The following NCL variants were observed in gnomAD, a reference collection of about 807,000 sequenced individuals.
NCL encodes the protein nucleolin multifunctional protein.
A neutral mutation model predicts 77.7 loss-of-function variants in NCL; 4 were observed. That is an observed-to-expected ratio of 0.05 (90% confidence interval 0.03 to 0.12). NCL has a LOEUF of 0.12. NCL is among the 10% of genes least tolerant of loss of function. The pLI is 1.00. For synonymous variants in NCL, 344 were observed against 297.8 expected, an observed-to-expected ratio of 1.16 and a Z score of -1.60; for missense variants, 763 against 860.9, an observed-to-expected ratio of 0.89 and a Z score of 1.42.
intron 11 of NCL, 83 bp from the exon 12 acceptor site, chr2:231,456,219 G>A: frequency 6.5e-7 from 1 of 1,537,646 alleles, no homozygotes; most frequent in South Asian, 1.2e-5. Flanking sequence ...ATGACTACTA[G>A]CCAAGAATAC....
intron 13 of NCL, 50 bp downstream of exon 13, chr2:231,455,351 G>A (rs749325313): frequency 6.2e-7 from 1 of 1,613,330 alleles, no homozygotes; most frequent in South Asian, 1.1e-5. Flanking sequence ...ACAGGGCACA[G>A]GGTCTGAAGA....
At chr2:231,459,169 C>T in intron 6 of NCL, 44 bp from the exon 7 acceptor site, 1 of 1,501,116 alleles carries the variant, frequency 6.7e-7, no homozygotes, top group South Asian at 1.4e-5. Context: ...GGTGAAAACA[C>T]AAATCAAAAT....
chr2:231,464,319 C>G lies in NCL; in HGVS notation c.18+17G>C, dbSNP rs1244540585. Reference sequence around the variant, plus strand: ...AAGCAGGCCTACACGTCTGCGCTCGCGCTCAAGGCCGTTTACCTTCGCGAG... The same window carrying G: ...AAGCAGGCCTACACGTCTGCGCTCGGGCTCAAGGCCGTTTACCTTCGCGAG... On this transcript the variant is annotated intron_variant, in intron 1 of 13. Transcript: ENST00000322723. 1 of 1,587,910 alleles carries G rather than the reference C, an allele frequency of 6.3e-7. No individual in the cohort carries two copies. The highest frequency in any genetic ancestry group is 1.1e-5 in the South Asian group (1 of 87,500).
At position 231,455,891 on chromosome 2, in the gene NCL, T is replaced by A. The variant is rs770626102; in HGVS notation, c.1832+119A>T. 4.6e-5 allele frequency: 68 copies of A among 1,492,492 alleles called. 1 individual carries two copies. The East Asian group carries it at 1.5e-3, about 34-fold the overall frequency. The allele number at this position is 1,492,492 out of a possible 1,614,324, so 92.5% of individuals were successfully genotyped here. ...GAATTCTCTCTTCTTCTCGTGCGAA[T>A]CCATAAACTGCCACTGATAGACAGA... On this transcript the variant is annotated intron_variant, in intron 12 of 13. Coordinates refer to ENST00000322723, the MANE Select transcript of NCL (RefSeq NM_005381.3).
Position 231,460,847 on chromosome 2 carries a change from C to T in NCL, c.633G>A (p.Met211Ile). 1 of 1,614,054 alleles carries T rather than the reference C, an allele frequency of 6.2e-7. No individual in the cohort carries two copies. The highest frequency in any genetic ancestry group is 8.5e-7 in the Non-Finnish European group (1 of 1,180,000). ...TCTTTCCTTTGGCTGGTGTAGTCTC[C>T]ATAGCTTCTTCTTCAGAGTCTGAAA... ...DEEDDSEEEA[M>I]ETTPAKGKKA... Residue 211 changes from methionine (M) to isoleucine (I), a missense_variant, in exon 4 of 14, where the codon ATG becomes ATA. Coordinates refer to ENST00000322723, the MANE Select transcript of NCL (RefSeq NM_005381.3).
rs566862419 is a variant in NCL, at chr2:231,455,728, T to G, written c.1833-104A>C. The G allele has an allele frequency of 2.9e-6, 4 of 1,381,486 alleles. No homozygotes were observed. The Admixed American group carries it at 6.8e-5, about 23-fold the overall frequency. 85.6% of individuals were successfully genotyped at this position (1,381,486 alleles called of 1,614,324 possible). ...CCATCCCACAGAAAGTAGCCTTGTT[T>G]ATTTGGGAAAAGATACCAGTGACAG... On this transcript the variant is annotated intron_variant, in intron 12 of 13. Transcript: ENST00000322723.
chr2:231,463,360 T>C (rs983895839), intron 1 of NCL, 44 bp from the exon 2 acceptor site: 14 of 1,260,088 alleles, frequency 1.1e-5, no homozygotes, highest in East Asian at 4.6e-5. Context: ...ACCTCGACAT[T>C]TCAGGCCATT....
At position 231,463,754 on chromosome 2, in the gene NCL, A is replaced by T. The variant is rs913357149; in HGVS notation, c.19-438T>A. 3.0e-5 allele frequency: 5 copies of T among 164,534 alleles called. No homozygotes were observed. The Admixed American group carries it at 3.1e-4, about 10-fold the overall frequency. 10.2% of individuals were successfully genotyped at this position (164,534 alleles called of 1,614,324 possible). A position where few individuals can be genotyped will look rare whatever the true frequency, so the allele number is the denominator to read the frequency against. ...TCCCAGCGAGACAACCCCGCCCCTTAAAGAGGCGGCGCGGCCACGTGGGGG... is the reference window on the plus strand; with the variant it reads ...TCCCAGCGAGACAACCCCGCCCCTTTAAGAGGCGGCGCGGCCACGTGGGGG... On this transcript the variant is annotated intron_variant, in intron 1 of 13. Coordinates refer to ENST00000322723, the MANE Select transcript of NCL (RefSeq NM_005381.3).
chr2:231,458,188 A>C (rs1039046125), intron 8 of NCL, 78 bp downstream of exon 8: 11 of 1,553,638 alleles, frequency 7.1e-6, no homozygotes, highest in Admixed American at 5.8e-5. Flanking sequence ...TAAGGAAATC[A>C]AACCAATATT....
At position 231,463,546 on chromosome 2, in the gene NCL, TAA is replaced by T. The variant is rs1575264674; in HGVS notation, c.19-232_19-231del. On this transcript the variant is annotated intron_variant, in intron 1 of 13. Coordinates refer to ENST00000322723, the MANE Select transcript of NCL (RefSeq NM_005381.3). The stretch of plus-strand genomic sequence containing the variant: ...TACCAACAGAAAACCTGCCCTAAGG[TAA>T]AAAGTCAACCTGAGGAAATGATTTC... 14 of 513,124 alleles carry T rather than the reference TAA, an allele frequency of 2.7e-5. No individual in the cohort carries two copies. The East Asian group carries it at 5.1e-4, about 19-fold the overall frequency. The allele number at this position is 513,124 out of a possible 1,614,324, so 31.8% of individuals were successfully genotyped here. A position where few individuals can be genotyped will look rare whatever the true frequency, so the allele number is the denominator to read the frequency against.
chr2:231,457,824 A>C, intron 8 of NCL, 24 bp from the exon 9 acceptor site: 1 of 1,576,186 alleles, frequency 6.3e-7, no homozygotes, highest in Non-Finnish European at 8.6e-7. Context: ...AGAAGAACTC[A>C]TGGTTTTTAA....
At chr2:231,464,044 T>A (rs2046977170) in intron 1 of NCL, 2 of 1,149,132 alleles carry the variant, frequency 1.7e-6, no homozygotes, top group African/African-American at 3.2e-5. Flanking sequence ...CTCGTACGCG[T>A]CGCAAAAGTT....
intron 1 of NCL, chr2:231,464,022 G>A (rs2046976684): frequency 2.1e-6 from 2 of 933,068 alleles, no homozygotes; most frequent in Non-Finnish European, 2.8e-6. Flanking sequence ...TGCGTCAGGA[G>A]TCGAGTCCCA....
chr2:231,458,972 A>G (rs745963938), intron 7 of NCL, 29 bp downstream of exon 7: 2 of 1,524,704 alleles, frequency 1.3e-6, no homozygotes, highest in Non-Finnish European at 1.8e-6. Flanking sequence ...TCCTGAGTTC[A>G]TTGCATAATC....
intron 9 of NCL, chr2:231,457,336 T>C (rs1314304630): frequency 1.3e-6 from 1 of 789,924 alleles, no homozygotes; most frequent in South Asian, 1.5e-5. Flanking sequence ...GGCTGATGAC[T>C]GGTCTGTTTT....
chr2:231,463,007 G>T, intron 2 of NCL, 193 bp downstream of exon 2: 1 of 559,766 alleles, frequency 1.8e-6, no homozygotes. Flanking sequence ...CCCAGATCTC[G>T]TCTTACACTC....
intron 7 of NCL, 151 bp downstream of exon 7, chr2:231,458,850 G>A: frequency 2.4e-6 from 2 of 848,246 alleles, no homozygotes; most frequent in South Asian, 2.5e-5. Context: ...TGTAAACACT[G>A]TAGCTCATTT....
intron 11 of NCL, 157 bp downstream of exon 11, chr2:231,456,474 T>C: frequency 7.7e-6 from 10 of 1,300,946 alleles, no homozygotes; most frequent in African/African-American, 1.5e-5. Context: ...CTAGAGGAAT[T>C]TTCTTGAGAT....
In NCL at chr2:231,464,328, C is replaced by A; in HGVS notation, c.18+8G>T. 1 of 1,593,386 alleles carries A rather than the reference C, an allele frequency of 6.3e-7. No homozygotes were observed. The highest frequency in any genetic ancestry group is 1.7e-5 in the Admixed American group (1 of 57,596). On this transcript the variant is annotated splice_region_variant and intron_variant, in intron 1 of 13. Transcript: ENST00000322723. ...TACACGTCTGCGCTCGCGCTCAAGG[C>A]CGTTTACCTTCGCGAGCTTCACCAT... is the stretch of plus-strand genomic sequence containing the variant.
Sources: gnomAD v4.1 joint callset for allele counts on GRCh38, gnomAD v4.1.1 for gene constraint, MANE v1.5 for transcripts, NCBI Gene and HGNC (gene_info 2026-07-23, HGNC 2026-07-21) for gene names.